Variants in FRMD4A observed in about 807,000 individuals in gnomAD.
FRMD4A encodes FERM domain-containing protein 4A.
A neutral mutation model predicts 129.1 loss-of-function variants in FRMD4A; 29 were observed. The observed-to-expected ratio is 0.22, with a 90% CI of 0.17 to 0.31. FRMD4A has a LOEUF of 0.31. FRMD4A is among the 10% of genes least tolerant of loss of function. FRMD4A has a pLI of 1.00. For synonymous variants in FRMD4A, 634 were observed against 571.6 expected (o/e 1.11, Z -1.56); for missense variants, 1,272 against 1,375.8 (o/e 0.92, Z 1.19).
chr10:14,185,747 G>T (rs539451406), intron 2 of FRMD4A, among the ~76,000 whole-genome samples: 2 of 152,212 alleles, frequency 1.3e-5, no homozygotes, highest in Non-Finnish European at 2.9e-5. Flanking sequence ...AACAGCAGTA[G>T]ACCAGGCTAG....
At chr10:13,805,248 A>C (rs767545661) in intron 4 of FRMD4A, among the ~76,000 whole-genome samples, 1 of 151,964 alleles carries the variant, frequency 6.6e-6, no homozygotes, top group East Asian at 1.9e-4. Flanking sequence ...GGCTCAAGCA[A>C]GTCTCCCGCC....
chr10:14,052,578 GAC>G (rs1252873068), intron 2 of FRMD4A, among the ~76,000 whole-genome samples: 9 of 152,052 alleles, frequency 5.9e-5, no homozygotes, highest in African/African-American at 2.2e-4. Flanking sequence ...TGTTTTTTGA[GAC>G]AGAGTCTCAC....
At chr10:13,755,233 C>T (rs533297962) in intron 8 of FRMD4A, among the ~76,000 whole-genome samples, 1 of 152,316 alleles carries the variant, frequency 6.6e-6, no homozygotes, top group East Asian at 1.9e-4. Flanking sequence ...TTCCTCTAGC[C>T]TGTGACTTCC....
chr10:14,232,092 GA>G lies in FRMD4A; in HGVS notation c.45+97965del, dbSNP rs1447765657. 2.6e-5 allele frequency among the ~76,000 whole-genome samples: 4 copies of G among 152,044 alleles called. No individual in the cohort carries two copies. The East Asian group carries it at 7.7e-4, about 29-fold the overall frequency. ...TACTTTTAAGTCTTTAATCTATCTTGAGTTGATTTTTGTATATGGAGAAAGG... is the reference window on the plus strand; with the variant it reads ...TACTTTTAAGTCTTTAATCTATCTTGGTTGATTTTTGTATATGGAGAAAGG... On this transcript the variant is annotated intron_variant, in intron 2 of 24. Transcript: ENST00000357447.
intron 2 of FRMD4A, among the ~76,000 whole-genome samples, chr10:13,886,335 G>A (rs1374017244): frequency 1.3e-5 from 2 of 151,854 alleles, no homozygotes; most frequent in East Asian, 3.9e-4. Context: ...AGGAAATTGT[G>A]GAGTGGTAGC....
intron 2 of FRMD4A, among the ~76,000 whole-genome samples, chr10:14,143,255 TAAAC>T (rs1056197147): frequency 6.6e-6 from 1 of 152,146 alleles, no homozygotes; most frequent in Non-Finnish European, 1.5e-5. Context: ...GATGAACGAA[TAAAC>T]AAAACATGGT....
chr10:13,768,699 T>A (rs1348485494), intron 6 of FRMD4A, among the ~76,000 whole-genome samples: 1 of 152,126 alleles, frequency 6.6e-6, no homozygotes, highest in Admixed American at 6.6e-5. Flanking sequence ...CCCCTGAAAG[T>A]CCCATATTCT....
At chr10:13,762,796 C>A (rs2092126437) in intron 6 of FRMD4A, 116 bp from the exon 7 acceptor site, 6 of 684,454 alleles carry the variant, frequency 8.8e-6, no homozygotes, top group African/African-American at 3.6e-5. Flanking sequence ...GAGTTTGAGA[C>A]CAGCCTGGGC....
intron 2 of FRMD4A, among the ~76,000 whole-genome samples, chr10:14,247,959 C>T (rs924965368): frequency 3.9e-5 from 6 of 152,178 alleles, no homozygotes; most frequent in African/African-American, 1.4e-4. Context: ...CATGGCCAAA[C>T]CTCATCCTAA....
chr10:14,116,707 C>A (rs186389566), intron 2 of FRMD4A, among the ~76,000 whole-genome samples: 1 of 152,160 alleles, frequency 6.6e-6, no homozygotes, highest in African/African-American at 2.4e-5. Flanking sequence ...AAAATACTTG[C>A]CCAGTCCCCT....
At chr10:14,303,459 G>A (rs1214371787) in intron 2 of FRMD4A, among the ~76,000 whole-genome samples, 2 of 152,260 alleles carry the variant, frequency 1.3e-5, no homozygotes, top group African/African-American at 2.4e-5. Context: ...AAGTGGGTGT[G>A]TAATAGTTAT....
At position 13,654,795 on chromosome 10, in the gene FRMD4A, C is replaced by T. The variant is rs532947821; in HGVS notation, c.2954-283G>A. The T allele has an allele frequency of 4.9e-5, 23 of 471,542 alleles. No individual in the cohort carries two copies. In the Admixed American group the frequency reaches 6.8e-4, roughly 14 times the overall value. The allele number at this position is 471,542 out of a possible 1,614,324, so 29.2% of individuals were successfully genotyped here. A position where few individuals can be genotyped will look rare whatever the true frequency, so the allele number is the denominator to read the frequency against. On this transcript the variant is annotated intron_variant, in intron 22 of 24. Transcript: ENST00000357447. ...AAGCTGACCTGGGATCCTAGGTCCC[C>T]GCTTTGCCACCAGGAGGTAGGCATA...
chr10:13,816,842 C>A (rs55859870), intron 3 of FRMD4A, among the ~76,000 whole-genome samples: 1 of 152,322 alleles, frequency 6.6e-6, no homozygotes, highest in Non-Finnish European at 1.5e-5. Flanking sequence ...ACAATCTGGG[C>A]AGGAGCCCAG....
At position 14,132,053 on chromosome 10, in the gene FRMD4A, A is replaced by T. The variant is rs537442870; in HGVS notation, c.45+198005T>A. Among the ~76,000 whole-genome samples the T allele has an allele frequency of 2.0e-5, 3 of 152,250 alleles. No homozygotes were observed. In the East Asian group the frequency reaches 5.8e-4, roughly 29 times the overall value. The stretch of plus-strand genomic sequence containing the variant: ...GTAATCCCAGCACTTCGGGAGGCCA[A>T]GACGGGCAAATTACTGGAGGTCAGG... On this transcript the variant is annotated intron_variant, in intron 2 of 24. Coordinates refer to ENST00000357447, the MANE Select transcript of FRMD4A (RefSeq NM_018027.5).
In FRMD4A at chr10:13,685,328, C is replaced by T. The variant is rs539843980; in HGVS notation, c.1117+8570G>A. On this transcript the variant is annotated intron_variant, in intron 15 of 24. Coordinates refer to ENST00000357447, the MANE Select transcript of FRMD4A (RefSeq NM_018027.5). ...CTAGATTCCATGGCTCACTGGCACT[C>T]GGTGAAGAGTGCAAATGTAATTTAA... The T allele has an allele frequency of 3.6e-5, 35 of 984,740 alleles. No homozygotes were observed. The South Asian group carries it at 8.9e-4, about 25-fold the overall frequency. The allele number at this position is 984,740 out of a possible 1,614,324, so 61.0% of individuals were successfully genotyped here.
intron 2 of FRMD4A, among the ~76,000 whole-genome samples, chr10:14,298,741 C>T (rs1187339343): frequency 6.6e-6 from 1 of 152,072 alleles, no homozygotes; most frequent in African/African-American, 2.4e-5. Flanking sequence ...CTTCAGAAGA[C>T]AGGGAAGAAC....
intron 15 of FRMD4A, among the ~76,000 whole-genome samples, chr10:13,686,302 C>A (rs999999392): frequency 1.3e-5 from 2 of 152,234 alleles, no homozygotes; most frequent in African/African-American, 2.4e-5. Flanking sequence ...AACCGAAAAA[C>A]GTCGTGTGAT....
intron 2 of FRMD4A, among the ~76,000 whole-genome samples, chr10:14,108,232 T>G (rs1453148158): frequency 6.6e-6 from 1 of 152,210 alleles, no homozygotes; most frequent in Non-Finnish European, 1.5e-5. Flanking sequence ...TCAGCTCTAT[T>G]TTCAGATAAG....
chr10:13,684,136 C>T (rs1394759782), intron 15 of FRMD4A: 1 of 160,846 alleles, frequency 6.2e-6, no homozygotes, highest in African/African-American at 2.4e-5. Flanking sequence ...AGGAAATGAT[C>T]TACTTGAATG....
Sources: gnomAD v4.1 joint callset for allele counts (sites outside exome capture counted in the v4.1 genomes callset) on GRCh38, gnomAD v4.1.1 for gene constraint, MANE v1.5 for transcripts, NCBI Gene and HGNC (gene_info 2026-07-23, HGNC 2026-07-21) for gene names.